Variants in ASCC1 observed in about 807,000 individuals in gnomAD.
ASCC1 encodes the protein activating signal cointegrator 1 complex subunit 1.
In ASCC1, 35 loss-of-function variants were observed where a neutral mutation model predicts 46.6. The ratio of observed to expected loss-of-function variants is 0.75; its 90% CI spans 0.57 to 0.99. The LOEUF is 0.99. Among genes scored for constraint, ASCC1 ranks in the 50% least tolerant of loss-of-function variants. The pLI, the probability that ASCC1 is intolerant of heterozygous loss-of-function variation, is 0.00. For synonymous variants in ASCC1, 143 were observed against 146.6 expected, an observed-to-expected ratio of 0.98 and a Z score of 0.18; for missense variants, 376 against 428.7, an observed-to-expected ratio of 0.88 and a Z score of 1.09.
chr10:72,177,959 A>G (rs1196021416), intron 5 of ASCC1, among the ~76,000 whole-genome samples: 1 of 152,204 alleles, frequency 6.6e-6, no homozygotes, highest in East Asian at 1.9e-4. Context: ...GCAGTCAAAC[A>G]ATATTTCTTA....
chr10:72,126,896 A>G (rs1844923292), intron 9 of ASCC1, among the ~76,000 whole-genome samples: 1 of 152,232 alleles, frequency 6.6e-6, no homozygotes. Flanking sequence ...AAACATATCA[A>G]GGAAAGGAAG....
chr10:72,144,013 T>C (rs182447002), intron 7 of ASCC1, among the ~76,000 whole-genome samples: 2 of 152,060 alleles, frequency 1.3e-5, no homozygotes, highest in Admixed American at 6.6e-5. Context: ...CTTTTTTTTT[T>C]AACAGTCTCA....
chr10:72,182,804 T>C (rs1039121168), intron 5 of ASCC1, among the ~76,000 whole-genome samples: 4 of 118,646 alleles, frequency 3.4e-5, no homozygotes, highest in African/African-American at 1.5e-4. Flanking sequence ...AGCAACACCC[T>C]GTCTCTAAAA....
At chr10:72,140,164 C>T (rs191769680) in intron 7 of ASCC1, among the ~76,000 whole-genome samples, 16 of 152,242 alleles carry the variant, frequency 1.1e-4, no homozygotes, top group Admixed American at 7.2e-4. Flanking sequence ...TAACACATAA[C>T]TCCCTGCCCC....
intron 4 of ASCC1, among the ~76,000 whole-genome samples, chr10:72,201,664 C>T (rs764079014): frequency 5.3e-5 from 8 of 151,864 alleles, no homozygotes; most frequent in Non-Finnish European, 8.8e-5. Context: ...CTAGCCTGGG[C>T]GACATGCTCT....
At chr10:72,204,308 C>A in intron 3 of ASCC1, 1 of 1,202,548 alleles carries the variant, frequency 8.3e-7, no homozygotes, top group Non-Finnish European at 1.2e-6. Context: ...TCTGAGGACT[C>A]ATGGCAACAG....
At chr10:72,163,696 C>T (rs1263454960) in intron 5 of ASCC1, among the ~76,000 whole-genome samples, 1 of 151,714 alleles carries the variant, frequency 6.6e-6, no homozygotes, top group Non-Finnish European at 1.5e-5. Context: ...GATCGCACCA[C>T]TGCACTCCAG....
At chr10:72,138,714 G>A (rs901529597) in intron 7 of ASCC1, among the ~76,000 whole-genome samples, 1 of 145,990 alleles carries the variant, frequency 6.8e-6, no homozygotes, top group East Asian at 2.2e-4. Flanking sequence ...TGGGATTACA[G>A]ACATTCGCCA....
intron 9 of ASCC1, among the ~76,000 whole-genome samples, chr10:72,099,802 A>G (rs1054509531): frequency 3.2e-4 from 48 of 152,332 alleles, no homozygotes; most frequent in Admixed American, 5.9e-4. Context: ...CCAGGGCAAC[A>G]AGAGAGAAAC....
At chr10:72,159,730 C>T (rs980068896) in intron 6 of ASCC1, among the ~76,000 whole-genome samples, 3 of 151,958 alleles carry the variant, frequency 2.0e-5, no homozygotes, top group African/African-American at 2.4e-5. Context: ...CAGATATGTC[C>T]GTTACTGAGC....
intron 9 of ASCC1, among the ~76,000 whole-genome samples, chr10:72,118,519 C>T (rs1215908235): frequency 6.6e-6 from 1 of 152,172 alleles, no homozygotes; most frequent in African/African-American, 2.4e-5. Context: ...GTGGCTCACG[C>T]CTGTAATCCT....
intron 4 of ASCC1, among the ~76,000 whole-genome samples, chr10:72,202,298 C>A (rs1238022915): frequency 6.6e-6 from 1 of 152,016 alleles, no homozygotes; most frequent in Non-Finnish European, 1.5e-5. Context: ...GAAACCCTGT[C>A]TCTACCAAAA....
At chr10:72,152,743 A>G (rs924395254) in intron 7 of ASCC1, 126 bp downstream of exon 7, 20 of 1,145,822 alleles carry the variant, frequency 1.7e-5, no homozygotes, top group Middle Eastern at 2.0e-4. Flanking sequence ...AAAAAAAAAG[A>G]GAGAGAAATA....
chr10:72,213,437 T>TCTC, intron 1 of ASCC1, 106 bp from the exon 2 acceptor site: 1 of 680,634 alleles, frequency 1.5e-6, no homozygotes, highest in Non-Finnish European at 2.7e-6. Context: ...GTTCACAGTA[T>TCTC]CTCCCACACA....
chr10:72,207,579 T>A (rs766068823), intron 3 of ASCC1, among the ~76,000 whole-genome samples: 2 of 152,146 alleles, frequency 1.3e-5, no homozygotes, highest in Non-Finnish European at 2.9e-5. Context: ...GATACCTGGG[T>A]CCTGCTCCCA....
intron 5 of ASCC1, among the ~76,000 whole-genome samples, chr10:72,189,300 C>A (rs1419325569): frequency 1.3e-5 from 2 of 150,850 alleles, no homozygotes; most frequent in Non-Finnish European, 2.9e-5. Flanking sequence ...CCCAGCTACT[C>A]GGGAGGCTGA....
At chr10:72,143,535 G>A (rs1847278432) in intron 7 of ASCC1, among the ~76,000 whole-genome samples, 1 of 150,606 alleles carries the variant, frequency 6.6e-6, no homozygotes, top group Admixed American at 6.7e-5. Flanking sequence ...TTTGGTAACT[G>A]TAGGTAACCT....
intron 9 of ASCC1, among the ~76,000 whole-genome samples, chr10:72,105,420 AG>A (rs1435508089): frequency 6.6e-6 from 1 of 152,232 alleles, no homozygotes; most frequent in Non-Finnish European, 1.5e-5. Context: ...CCCTCCCACA[AG>A]GGGTTGAGCA....
rs200514747 is a variant in ASCC1, at chr10:72,118,781, AAAAAAAAAG to A, written c.957+9292_957+9300del. 4.2e-3 allele frequency among the ~76,000 whole-genome samples: 599 copies of A among 142,018 alleles called. 10 individuals carry two copies. In the East Asian group the frequency reaches 0.058, roughly 14 times the overall value. 93.2% of individuals were successfully genotyped at this position (142,018 alleles called of 152,430 possible). The stretch of plus-strand genomic sequence containing the variant: ...GCAACAAGAATGAAACTCCGTCTCA[AAAAAAAAAG>A]AAAAAAAAGAAAAAGAAAGAAATAA... On this transcript the variant is annotated intron_variant, in intron 9 of 9. Coordinates refer to ENST00000672957, the MANE Select transcript of ASCC1 (RefSeq NM_001198800.3).
Sources: allele counts gnomAD v4.1 joint callset (sites outside exome capture counted in the v4.1 genomes callset), GRCh38; gene constraint gnomAD v4.1.1; transcripts MANE v1.5; gene names NCBI Gene and HGNC (gene_info 2026-07-23, HGNC 2026-07-21).